The following SPAG16 variants were observed in gnomAD, a reference collection of about 807,000 sequenced individuals.
The protein encoded by SPAG16 is sperm-associated antigen 16 protein.
A neutral mutation model predicts 80.4 loss-of-function variants in SPAG16; 86 were observed. The observed-to-expected ratio is 1.07, with a 90% CI of 0.90 to 1.28. SPAG16 has a LOEUF of 1.28. SPAG16 is among the 50% of genes most tolerant of loss of function. The probability of loss-of-function intolerance (pLI) is 0.00; values close to 1 mark genes in which losing one functional copy is unlikely to be tolerated. For missense variants in SPAG16, 870 were observed against 765.3 expected (o/e 1.14, Z -1.61); for synonymous variants, 294 against 265.9 (o/e 1.11, Z -1.03).
At chr2:213,831,739 C>T (rs1291037976) in intron 10 of SPAG16, among the ~76,000 whole-genome samples, 2 of 151,966 alleles carry the variant, frequency 1.3e-5, no homozygotes, top group Non-Finnish European at 2.9e-5. Context: ...GCCACATCAC[C>T]TGTTTGGTAT....
intron 15 of SPAG16, among the ~76,000 whole-genome samples, chr2:214,346,796 T>A (rs1698080705): frequency 6.6e-6 from 1 of 152,180 alleles, no homozygotes; most frequent in African/African-American, 2.4e-5. Context: ...GCATCAGACA[T>A]GTCAGTGAAG....
intron 10 of SPAG16, among the ~76,000 whole-genome samples, chr2:213,858,669 T>C (rs2075280692): frequency 6.6e-6 from 1 of 152,170 alleles, no homozygotes; most frequent in African/African-American, 2.4e-5. Context: ...AATGAATTTA[T>C]GTATGCAATG....
chr2:214,212,692 C>T (rs2058327263), intron 15 of SPAG16, among the ~76,000 whole-genome samples: 1 of 152,228 alleles, frequency 6.6e-6, no homozygotes, highest in South Asian at 2.1e-4. Flanking sequence ...AGAATCACCC[C>T]AGCTAGCTCT....
chr2:213,833,499 A>AATT (rs2073847765), intron 10 of SPAG16, among the ~76,000 whole-genome samples: 1 of 4,818 alleles, frequency 2.1e-4, no homozygotes, highest in Admixed American at 5.3e-3. Flanking sequence ...TATATAATAT[A>AATT]TATATTATAT....
intron 15 of SPAG16, among the ~76,000 whole-genome samples, chr2:214,328,226 G>A (rs1696637238): frequency 6.6e-6 from 1 of 151,770 alleles, no homozygotes; most frequent in Admixed American, 6.6e-5. Context: ...TGCGATCTTG[G>A]CTCACTGCAA....
intron 12 of SPAG16, among the ~76,000 whole-genome samples, chr2:213,956,693 C>T (rs1024504180): frequency 6.6e-6 from 1 of 151,990 alleles, no homozygotes; most frequent in African/African-American, 2.4e-5. Flanking sequence ...AGTGATCTGT[C>T]GTCTACCTTG....
At chr2:213,286,250 A>G (rs1045697825) in intron 1 of SPAG16, among the ~76,000 whole-genome samples, 1 of 152,152 alleles carries the variant, frequency 6.6e-6, no homozygotes, top group Non-Finnish European at 1.5e-5. Context: ...GAATTATCCA[A>G]CCCATTTGCT....
At chr2:214,404,258 A>T (rs1455303771) in intron 15 of SPAG16, among the ~76,000 whole-genome samples, 1 of 152,182 alleles carries the variant, frequency 6.6e-6, no homozygotes, top group Non-Finnish European at 1.5e-5. Context: ...AAGAGCACTG[A>T]TTTAGGTGCC....
chr2:213,820,261 G>T (rs2072857544), intron 10 of SPAG16, among the ~76,000 whole-genome samples: 1 of 152,096 alleles, frequency 6.6e-6, no homozygotes, highest in Non-Finnish European at 1.5e-5. Context: ...TTTTTGCAGA[G>T]ATTGGGTTTT....
chr2:213,905,245 C>CA (rs564151634), intron 11 of SPAG16, among the ~76,000 whole-genome samples: 5 of 150,598 alleles, frequency 3.3e-5, no homozygotes, highest in African/African-American at 4.9e-5. Context: ...TGCATCTATC[C>CA]AAAAAAAAAT....
At chr2:213,607,347 T>A (rs886680695) in intron 10 of SPAG16, among the ~76,000 whole-genome samples, 1 of 152,168 alleles carries the variant, frequency 6.6e-6, no homozygotes, top group Admixed American at 6.5e-5. Context: ...AAAAAAGAAG[T>A]CTTGATCCAT....
chr2:214,240,183 G>C (rs1257839610), intron 15 of SPAG16: 1 of 152,100 alleles, frequency 6.6e-6, no homozygotes. Context: ...CCTTGCCCTG[G>C]TGGAAAGTCT....
At chr2:213,884,283 A>T (rs1209720170) in intron 11 of SPAG16, among the ~76,000 whole-genome samples, 1 of 152,216 alleles carries the variant, frequency 6.6e-6, no homozygotes, top group Non-Finnish European at 1.5e-5. Context: ...TTGGTGGAAT[A>T]TAAAATTCTT....
At chr2:213,403,818 A>T (rs575433844) in intron 9 of SPAG16, among the ~76,000 whole-genome samples, 2 of 152,330 alleles carry the variant, frequency 1.3e-5, no homozygotes, top group African/African-American at 4.8e-5. Flanking sequence ...TCGTCGTCTC[A>T]GCCCAAAATC....
chr2:213,435,410 G>T (rs2125503672), intron 9 of SPAG16, among the ~76,000 whole-genome samples: 1 of 152,154 alleles, frequency 6.6e-6, no homozygotes, highest in East Asian at 1.9e-4. Context: ...AGGGGTGAGG[G>T]ACAAGAAATT....
At chr2:214,281,641 T>C (rs1692947079) in intron 15 of SPAG16, among the ~76,000 whole-genome samples, 1 of 152,124 alleles carries the variant, frequency 6.6e-6, no homozygotes, top group Admixed American at 6.5e-5. Flanking sequence ...AGTTTAACAG[T>C]TTTTTAGAAA....
chr2:213,926,456 G>A (rs1272698061), intron 11 of SPAG16, among the ~76,000 whole-genome samples: 5 of 151,808 alleles, frequency 3.3e-5, no homozygotes, highest in South Asian at 2.1e-4. Flanking sequence ...TTGCAGCCTC[G>A]TAGCTTAACT....
chr2:214,394,092 CT>C (rs1399757885), intron 15 of SPAG16, among the ~76,000 whole-genome samples: 1 of 152,062 alleles, frequency 6.6e-6, no homozygotes, highest in Non-Finnish European at 1.5e-5. Flanking sequence ...TAATGAAAAT[CT>C]TTGTATTAAT....
In SPAG16 at chr2:213,868,323, C is replaced by T. The variant is rs192991807; in HGVS notation, c.1214+5695C>T. Among the ~76,000 whole-genome samples, 357 of 143,348 alleles carry T rather than the reference C, an allele frequency of 2.5e-3. 2 individuals carry two copies. Among genetic ancestry groups the T allele is most frequent in the Middle Eastern group, 0.01 (3 of 290 alleles). The allele number at this position is 143,348 out of a possible 152,430, so 94.0% of individuals were successfully genotyped here. A position where few individuals can be genotyped will look rare whatever the true frequency, so the allele number is the denominator to read the frequency against. ...CTTGGCCAGAAACATCAACAGAATTCCATTTTAAAATCATCTTTTTGATTT... is the reference window on the plus strand; with the variant it reads ...CTTGGCCAGAAACATCAACAGAATTTCATTTTAAAATCATCTTTTTGATTT... On this transcript the variant is annotated intron_variant, in intron 11 of 15. Coordinates refer to ENST00000331683, the MANE Select transcript of SPAG16 (RefSeq NM_024532.5).
Sources: allele counts gnomAD v4.1 joint callset (sites outside exome capture counted in the v4.1 genomes callset), GRCh38; gene constraint gnomAD v4.1.1; transcripts MANE v1.5; gene names NCBI Gene and HGNC (gene_info 2026-07-23, HGNC 2026-07-21).